The following NFKBID variants were observed in gnomAD, a reference collection of about 807,000 sequenced individuals.
NFKBID encodes the protein NFKB inhibitor delta.
In NFKBID, 26 loss-of-function variants were observed where a neutral mutation model predicts 53.4. The ratio of observed to expected loss-of-function variants is 0.49; its 90% CI spans 0.36 to 0.68. NFKBID has a LOEUF of 0.68. Among genes scored for constraint, NFKBID ranks in the 30% least tolerant of loss-of-function variants. NFKBID has a pLI of 0.00. For synonymous variants in NFKBID, 262 were observed against 259.8 expected, an observed-to-expected ratio of 1.01 and a Z score of -0.08; for missense variants, 493 against 614.1, an observed-to-expected ratio of 0.80 and a Z score of 2.08.
Position 35,898,842 on chromosome 19 carries a change from G to T in NFKBID, c.62-20C>A. 6.5e-7 allele frequency: 1 copy of T among 1,529,486 alleles called. No homozygotes were observed. Among genetic ancestry groups the T allele is most frequent in the South Asian group, 1.2e-5 (1 of 83,932 alleles). The allele number at this position is 1,529,486 out of a possible 1,614,324, so 94.7% of individuals were successfully genotyped here. A position where few individuals can be genotyped will look rare whatever the true frequency, so the allele number is the denominator to read the frequency against. On this transcript the variant is annotated intron_variant, in intron 1 of 11. Coordinates refer to ENST00000641389, the Ensembl canonical transcript of NFKBID. ...TGCTCACTGTGCGGGAGAGGAGAGGGGGAAGTCATCAAGGGTCCTTAAGTC... is the reference window on the plus strand; with the variant it reads ...TGCTCACTGTGCGGGAGAGGAGAGGTGGAAGTCATCAAGGGTCCTTAAGTC...
exon 1 of NFKBID, chr19:35,900,578 G>A (rs983819245): frequency 8.1e-7 from 1 of 1,231,150 alleles, no homozygotes; most frequent in African/African-American, 1.6e-5. Flanking sequence ...TTAAACTAGG[G>A]GTTATGGCAC....
At chr19:35,897,263 T>C (rs1474870574) in intron 4 of NFKBID, among the ~76,000 whole-genome samples, 4 of 151,926 alleles carry the variant, frequency 2.6e-5, no homozygotes, top group Non-Finnish European at 4.4e-5. Flanking sequence ...AAGGGTATTT[T>C]TTTTTTTCGG....
At position 35,896,901 on chromosome 19, in the gene NFKBID, C is replaced by T. The variant is rs1219500254; in HGVS notation, c.578+12G>A. 6.8e-6 allele frequency: 11 copies of T among 1,611,398 alleles called. No homozygotes were observed. Among genetic ancestry groups the T allele is most frequent in the Non-Finnish European group, 8.5e-6 (10 of 1,177,988 alleles). On this transcript the variant is annotated intron_variant, in intron 5 of 11. Coordinates refer to ENST00000641389, the Ensembl canonical transcript of NFKBID. This position sits in a 1 kb window ranked among gnomAD's most constrained non-coding sequence, Gnocchi z 5.7. ...CCAAGAGTCTGCAGACAACCCTATC[C>T]CTTATACTCACGTGTCCCCCTCCTC...
At chr19:35,899,102 G>A (rs892481472) in intron 1 of NFKBID, among the ~76,000 whole-genome samples, 4 of 152,202 alleles carry the variant, frequency 2.6e-5, no homozygotes, top group African/African-American at 7.2e-5. Context: ...CCCCTCTGCA[G>A]CAACCACCCC....
rs1180664115 is a variant in NFKBID, at chr19:35,896,342, G to C, written c.831+50C>G. ...TCCTGGCCCTGGAAGCCAAAATCTG[G>C]GCAACCAGTCTACCCCCCAGACAAA... On this transcript the variant is annotated intron_variant, in intron 7 of 11. Transcript: ENST00000641389. The surrounding 1 kb of genome is among the most constrained non-coding windows in gnomAD (Gnocchi z 5.7). The C allele has an allele frequency of 1.9e-6, 3 of 1,613,946 alleles. No individual in the cohort carries two copies. Among genetic ancestry groups the C allele is most frequent in the Non-Finnish European group, 2.5e-6 (3 of 1,179,890 alleles).
intron 9 of NFKBID, among the ~76,000 whole-genome samples, chr19:35,892,716 C>A (rs1045337243): frequency 5.9e-5 from 9 of 152,096 alleles, no homozygotes; most frequent in African/African-American, 2.2e-4. Context: ...AATATAAAGC[C>A]AATCTTTTTA....
intron 4 of NFKBID, chr19:35,897,450 G>C: frequency 1.6e-6 from 1 of 615,490 alleles, no homozygotes; most frequent in Non-Finnish European, 2.9e-6. Flanking sequence ...CACCATGTTG[G>C]CCAAGCTGGT....
intron 11 of NFKBID, 107 bp downstream of exon 11, chr19:35,889,783 G>A (rs975360417): frequency 1.2e-5 from 14 of 1,210,320 alleles, no homozygotes; most frequent in African/African-American, 3.0e-5. Context: ...GTCACCTTCC[G>A]AGATTAGAAG....
chr19:35,900,827 CTTTTTTT>C (rs60365058), upstream of NFKBID, among the ~76,000 whole-genome samples: 294 of 107,590 alleles, frequency 2.7e-3, 1 homozygote, highest in Admixed American at 0.015. Context: ...TTTTTCTTTT[CTTTTTTT>C]TTTTTTTTTT....
chr19:35,901,843 G>A (rs1042731439), upstream of NFKBID: 19 of 309,858 alleles, frequency 6.1e-5, no homozygotes, highest in Admixed American at 8.6e-4. Flanking sequence ...TTACAGGCAT[G>A]AGCCACTGCG....
chr19:35,888,898 T>C (rs1568483255), intron 11 of NFKBID, among the ~76,000 whole-genome samples: 1 of 152,040 alleles, frequency 6.6e-6, no homozygotes, highest in Admixed American at 6.6e-5. Flanking sequence ...ATACAAAAAT[T>C]AGCCGGGCAT....
At position 35,898,431 on chromosome 19, in the gene NFKBID, A is replaced by C. The variant is rs541232979; in HGVS notation, c.226+41T>G. On this transcript the variant is annotated intron_variant, in intron 3 of 11. Coordinates refer to ENST00000641389, the Ensembl canonical transcript of NFKBID. Reference sequence around the variant, plus strand: ...GAGAGCTGCGATGTCTGAGTCCCTTAGGGAAGGGGGATGGGGAGGCCGGGA... The same window carrying C: ...GAGAGCTGCGATGTCTGAGTCCCTTCGGGAAGGGGGATGGGGAGGCCGGGA... 2.1e-4 allele frequency: 277 copies of C among 1,336,772 alleles called. No individual in the cohort carries two copies. In the African/African-American group the frequency reaches 3.7e-3, roughly 18 times the overall value. 82.8% of individuals were successfully genotyped at this position (1,336,772 alleles called of 1,614,324 possible).
chr19:35,901,206 AGGGGTAGGAGTG>A (rs1185581151), upstream of NFKBID, among the ~76,000 whole-genome samples: 1 of 136,858 alleles, frequency 7.3e-6, no homozygotes, highest in Admixed American at 7.4e-5. Context: ...CCATGGGGGT[AGGGGTAGGAGTG>A]GGGATGGAGA....
intron 10 of NFKBID, 52 bp from the exon 11 acceptor site, chr19:35,890,106 C>G (rs371320166): frequency 6.6e-7 from 1 of 1,517,538 alleles, no homozygotes; most frequent in Non-Finnish European, 8.9e-7. Flanking sequence ...CTGGCCCAGG[C>G]CTCTAAACTG....
intron 9 of NFKBID, among the ~76,000 whole-genome samples, chr19:35,891,189 T>C (rs1265150079): frequency 2.6e-5 from 4 of 152,202 alleles, no homozygotes; most frequent in Non-Finnish European, 5.9e-5. Context: ...CTAGCTAATA[T>C]TGCAATACTG....
chr19:35,898,726 C>G (rs1457738056), exon 2 of NFKBID: 2 of 1,535,804 alleles, frequency 1.3e-6, no homozygotes, highest in Non-Finnish European at 8.7e-7. Context: ...CACCTGCACC[C>G]CGCCAGCGTC....
intron 3 of NFKBID, 81 bp downstream of exon 3, chr19:35,898,391 G>C: frequency 1.2e-6 from 1 of 845,852 alleles, no homozygotes; most frequent in East Asian, 2.6e-5. Context: ...TGACTCCCAG[G>C]TGTCCCAAAG....
At chr19:35,890,152 G>T in intron 10 of NFKBID, 98 bp from the exon 11 acceptor site, 1 of 1,286,098 alleles carries the variant, frequency 7.8e-7, no homozygotes, top group Non-Finnish European at 1.1e-6. Flanking sequence ...TCCTACACTT[G>T]TCCTTTCACA....
At position 35,896,248 on chromosome 19, in the gene NFKBID, G is replaced by A; in HGVS notation, c.853C>T (p.Gln285Ter). ...AAGTCTCTGGCTTCCAGGTCAACCTGGACCCCAGAGTTAAGCACAGCCTGG... is the reference window on the plus strand; with the variant it reads ...AAGTCTCTGGCTTCCAGGTCAACCTAGACCCCAGAGTTAAGCACAGCCTGG... Residue 285 changes from glutamine (Q) to a stop codon, truncating the protein, a stop_gained, in exon 8 of 12, where the codon CAG becomes TAG. Transcript: ENST00000641389. LOFTEE classifies it high-confidence loss of function. This position sits in a 1 kb window ranked among gnomAD's most constrained non-coding sequence, Gnocchi z 5.7. 6.2e-7 allele frequency: 1 copy of A among 1,614,178 alleles called. No individual in the cohort carries two copies. Among genetic ancestry groups the A allele is most frequent in the Non-Finnish European group, 8.5e-7 (1 of 1,180,036 alleles).
Sources: gnomAD v4.1 joint callset for allele counts (sites outside exome capture counted in the v4.1 genomes callset) on GRCh38, gnomAD v4.1.1 for gene constraint, Gnocchi (gnomAD v3.1) non-coding constraint, MANE v1.5 for transcripts, NCBI Gene and HGNC (gene_info 2026-07-23, HGNC 2026-07-21) for gene names.